The following CDKL4 variants were observed in gnomAD, a reference collection of about 807,000 sequenced individuals.
CDKL4 encodes cyclin-dependent kinase-like 4.
In CDKL4, 44 loss-of-function variants were observed where a neutral mutation model predicts 42.0. The observed-to-expected ratio is 1.05, with a 90% CI of 0.82 to 1.35. The LOEUF is 1.35. CDKL4 is among the 40% of genes most tolerant of loss of function. The pLI, the probability that CDKL4 is intolerant of heterozygous loss-of-function variation, is 0.00. For synonymous variants in CDKL4, 120 were observed against 121.6 expected (o/e 0.99, Z 0.09); for missense variants, 393 against 369.9 (o/e 1.06, Z -0.51).
chr2:39,237,644 C>A (rs1484653719), intron 1 of CDKL4, among the ~76,000 whole-genome samples: 1 of 151,948 alleles, frequency 6.6e-6, no homozygotes, highest in Non-Finnish European at 1.5e-5. Flanking sequence ...TTGCTTGAGG[C>A]CAAAATTTTG....
intron 9 of CDKL4, 27 bp from the exon 10 acceptor site, chr2:39,176,123 G>A (rs1675154905): frequency 2.2e-6 from 1 of 451,952 alleles, no homozygotes; most frequent in Non-Finnish European, 4.5e-6. Context: ...ACAACAATAA[G>A]AAAGCAAATT....
At chr2:39,206,498 G>A (rs1006813322) in intron 4 of CDKL4, among the ~76,000 whole-genome samples, 7 of 152,218 alleles carry the variant, frequency 4.6e-5, no homozygotes, top group African/African-American at 1.7e-4. Context: ...CTGGGTGAGG[G>A]CAGGCTGAGT....
At chr2:39,238,601 T>G (rs945423647) in intron 1 of CDKL4, among the ~76,000 whole-genome samples, 2 of 152,202 alleles carry the variant, frequency 1.3e-5, no homozygotes, top group Non-Finnish European at 2.9e-5. Flanking sequence ...TATTAAAAAT[T>G]TATCTTAAAT....
intron 5 of CDKL4, among the ~76,000 whole-genome samples, chr2:39,199,935 G>C (rs999186705): frequency 6.6e-6 from 1 of 152,062 alleles, no homozygotes; most frequent in African/African-American, 2.4e-5. Flanking sequence ...AACAAGACAA[G>C]GATGCCCACT....
At chr2:39,189,342 C>T (rs981536520) in intron 6 of CDKL4, among the ~76,000 whole-genome samples, 2 of 152,220 alleles carry the variant, frequency 1.3e-5, no homozygotes, top group African/African-American at 2.4e-5. Flanking sequence ...CTATTCTGCA[C>T]TTACCTGGCT....
chr2:39,184,505 T>A, intron 8 of CDKL4, 86 bp downstream of exon 8: 1 of 854,768 alleles, frequency 1.2e-6, no homozygotes, highest in Non-Finnish European at 1.9e-6. Flanking sequence ...TGGCATTATT[T>A]AATCCACTGT....
chr2:39,224,566 T>C (rs978143019), intron 3 of CDKL4, among the ~76,000 whole-genome samples: 15 of 149,390 alleles, frequency 1.0e-4, no homozygotes, highest in Non-Finnish European at 4.5e-5. Flanking sequence ...TGCAGTGGTG[T>C]GATCTCGGCT....
chr2:39,220,503 T>C (rs990746281), intron 3 of CDKL4, among the ~76,000 whole-genome samples: 6 of 152,202 alleles, frequency 3.9e-5, no homozygotes, highest in Non-Finnish European at 5.9e-5. Flanking sequence ...ATGGATTTCA[T>C]GGGTGTTGGA....
At chr2:39,209,150 ATTT>A (rs372064138) in intron 4 of CDKL4, among the ~76,000 whole-genome samples, 5 of 73,040 alleles carry the variant, frequency 6.8e-5, no homozygotes, top group Non-Finnish European at 2.0e-4. Context: ...AAAAAAAAAA[ATTT>A]TTTTTTTAAA....
At chr2:39,210,373 G>A (rs1677517886) in intron 4 of CDKL4, among the ~76,000 whole-genome samples, 2 of 152,136 alleles carry the variant, frequency 1.3e-5, no homozygotes, top group African/African-American at 4.8e-5. Context: ...TATAGAACGT[G>A]TTGTTCCAAG....
chr2:39,222,119 CA>C (rs1334657410), intron 3 of CDKL4, among the ~76,000 whole-genome samples: 1 of 152,012 alleles, frequency 6.6e-6, no homozygotes, highest in Non-Finnish European at 1.5e-5. Flanking sequence ...AGTATGCCCT[CA>C]AAAAACTTAT....
intron 1 of CDKL4, among the ~76,000 whole-genome samples, chr2:39,231,940 T>G (rs1353195572): frequency 2.6e-5 from 4 of 152,194 alleles, no homozygotes; most frequent in African/African-American, 7.2e-5. Flanking sequence ...GATAAAGTTA[T>G]TGGTATAAAA....
intron 5 of CDKL4, among the ~76,000 whole-genome samples, chr2:39,194,734 G>C (rs1041015455): frequency 1.3e-5 from 2 of 151,864 alleles, no homozygotes; most frequent in Non-Finnish European, 2.9e-5. Flanking sequence ...TTTGGTTATT[G>C]ACTTTAAAAT....
the CDKL4 span, among the ~76,000 whole-genome samples, chr2:39,170,268 C>A: frequency 7.2e-6 from 1 of 138,598 alleles, no homozygotes; most frequent in Non-Finnish European, 1.5e-5. Context: ...CTGAGTGAGA[C>A]CCTGTCTCCA....
At chr2:39,212,040 A>T (rs1677615032) in intron 4 of CDKL4, among the ~76,000 whole-genome samples, 1 of 152,192 alleles carries the variant, frequency 6.6e-6, no homozygotes, top group Non-Finnish European at 1.5e-5. Flanking sequence ...TTTCTCTAAC[A>T]TAGTGGTTCT....
chr2:39,183,198 C>T (rs1181345247), intron 8 of CDKL4, among the ~76,000 whole-genome samples: 2 of 151,720 alleles, frequency 1.3e-5, no homozygotes, highest in African/African-American at 4.8e-5. Context: ...GAGAACCACT[C>T]GAACCTGGTT....
intron 1 of CDKL4, among the ~76,000 whole-genome samples, chr2:39,233,495 G>T (rs1679187585): frequency 6.6e-6 from 1 of 152,088 alleles, no homozygotes; most frequent in African/African-American, 2.4e-5. Context: ...GAATTGAAGG[G>T]CATGCGAATC....
chr2:39,186,331 G>T (rs1475470251), intron 7 of CDKL4, among the ~76,000 whole-genome samples: 1 of 152,166 alleles, frequency 6.6e-6, no homozygotes, highest in Non-Finnish European at 1.5e-5. Flanking sequence ...AGGTTATTTG[G>T]ACAGTTCACA....
chr2:39,213,980 T>C (rs536278362), intron 3 of CDKL4, among the ~76,000 whole-genome samples: 131 of 152,186 alleles, frequency 8.6e-4, no homozygotes, highest in African/African-American at 3.1e-3. Context: ...TGCAGTGGCA[T>C]GATCTCAGCT....
Sources: gnomAD v4.1 joint callset for allele counts (sites outside exome capture counted in the v4.1 genomes callset) on GRCh38, gnomAD v4.1.1 for gene constraint, MANE v1.5 for transcripts, NCBI Gene and HGNC (gene_info 2026-07-23, HGNC 2026-07-21) for gene names.